PPP2R2B: variants seen among roughly 807,000 people sequenced by gnomAD.
PPP2R2B encodes serine/threonine-protein phosphatase 2A 55 kDa regulatory subunit B beta isoform.
A neutral mutation model predicts 46.0 loss-of-function variants in PPP2R2B; 5 were observed. The ratio of observed to expected loss-of-function variants is 0.11; its 90% confidence interval spans 0.06 to 0.23. PPP2R2B has a LOEUF of 0.23. Among genes scored for constraint, PPP2R2B ranks in the 10% least tolerant of loss-of-function variants. The pLI is 1.00. For synonymous variants in PPP2R2B, 215 were observed against 206.7 expected, an observed-to-expected ratio of 1.04 and a Z score of -0.34; for missense variants, 367 against 575.0, an observed-to-expected ratio of 0.64 and a Z score of 3.70.
At chr5:147,055,586 C>T in intron 1 of PPP2R2B, 1 of 1,262,888 alleles carries the variant, frequency 7.9e-7, no homozygotes, top group Admixed American at 1.8e-5. Flanking sequence ...CAGAAAGCAG[C>T]ATCAGCAGAA....
At chr5:146,960,437 A>C (rs1752121127) in intron 1 of PPP2R2B, among the ~76,000 whole-genome samples, 1 of 152,064 alleles carries the variant, frequency 6.6e-6, no homozygotes, top group Middle Eastern at 3.2e-3. Context: ...TTACAGGCGC[A>C]GGCCACCACG....
At chr5:146,903,918 G>A (rs950170518) in intron 1 of PPP2R2B, among the ~76,000 whole-genome samples, 1 of 152,026 alleles carries the variant, frequency 6.6e-6, no homozygotes, top group African/African-American at 2.4e-5. Flanking sequence ...AGTACCAAAT[G>A]GTGCCAAATG....
intron 1 of PPP2R2B, among the ~76,000 whole-genome samples, chr5:146,911,564 T>A (rs970981913): frequency 3.3e-5 from 5 of 152,202 alleles, no homozygotes; most frequent in African/African-American, 1.2e-4. Context: ...AATAAGTAAT[T>A]GTTTAAAGAA....
intron 2 of PPP2R2B, among the ~76,000 whole-genome samples, chr5:146,741,653 G>T (rs1008112334): frequency 6.6e-6 from 1 of 152,150 alleles, no homozygotes; most frequent in Non-Finnish European, 1.5e-5. Flanking sequence ...ATCTCAAGAA[G>T]GACTGCGTCA....
At chr5:146,774,466 G>A (rs1053500759) in intron 2 of PPP2R2B, among the ~76,000 whole-genome samples, 1 of 151,952 alleles carries the variant, frequency 6.6e-6, no homozygotes. Context: ...AAAATAAAGT[G>A]GGGGGTTGTA....
intron 9 of PPP2R2B, among the ~76,000 whole-genome samples, chr5:146,591,275 T>C (rs929229574): frequency 1.3e-5 from 2 of 152,046 alleles, no homozygotes; most frequent in Non-Finnish European, 2.9e-5. Flanking sequence ...GCTGACAAGA[T>C]TGGGCCACAG....
chr5:146,934,944 A>G (rs113555722), intron 1 of PPP2R2B, among the ~76,000 whole-genome samples: 3 of 152,096 alleles, frequency 2.0e-5, no homozygotes, highest in Non-Finnish European at 4.4e-5. Flanking sequence ...GGAAATTATC[A>G]CTTTTCTACT....
At chr5:146,648,073 T>C (rs1775704414) in intron 6 of PPP2R2B, among the ~76,000 whole-genome samples, 1 of 152,224 alleles carries the variant, frequency 6.6e-6, no homozygotes. Context: ...ACCGGGTCTT[T>C]TTATCCTGGG....
intron 1 of PPP2R2B, among the ~76,000 whole-genome samples, chr5:146,970,795 G>A (rs143079109): frequency 0.012 from 1,862 of 151,920 alleles, 18 homozygotes; most frequent in Non-Finnish European, 0.02. Context: ...GAGTTGCCCC[G>A]TAAAACTTAC....
intron 2 of PPP2R2B, among the ~76,000 whole-genome samples, chr5:146,705,317 T>A (rs1031828804): frequency 1.3e-5 from 2 of 152,196 alleles, no homozygotes; most frequent in African/African-American, 2.4e-5. Flanking sequence ...TCAGCTAAGA[T>A]AAGAACAGAA....
At chr5:146,750,086 C>CA (rs1441163459) in intron 2 of PPP2R2B, among the ~76,000 whole-genome samples, 1 of 148,978 alleles carries the variant, frequency 6.7e-6, no homozygotes, top group Non-Finnish European at 1.5e-5. Flanking sequence ...AAAAAACAAA[C>CA]AAACAAACTG....
intron 7 of PPP2R2B, among the ~76,000 whole-genome samples, chr5:146,628,289 C>T (rs3909407): frequency 0.021 from 3,178 of 152,280 alleles, 51 homozygotes; most frequent in Admixed American, 0.064. Context: ...GCCATTTCCC[C>T]CTCAGCATGA....
At chr5:146,735,233 C>T (rs1561866820) in intron 2 of PPP2R2B, among the ~76,000 whole-genome samples, 1 of 152,148 alleles carries the variant, frequency 6.6e-6, no homozygotes, top group Non-Finnish European at 1.5e-5. Context: ...GGATTTAGAT[C>T]ATTTAAATCC....
intron 1 of PPP2R2B, among the ~76,000 whole-genome samples, chr5:146,985,043 C>G (rs142027916): frequency 2.7e-5 from 3 of 112,234 alleles, no homozygotes; most frequent in Non-Finnish European, 5.2e-5. Flanking sequence ...TTTTTTGAGA[C>G]GGAGTCTCAC....
At chr5:146,624,805 C>G (rs867840568) in intron 7 of PPP2R2B, among the ~76,000 whole-genome samples, 2 of 152,306 alleles carry the variant, frequency 1.3e-5, no homozygotes, top group Admixed American at 1.3e-4. Flanking sequence ...GTATGTAGCT[C>G]TTCCTGCCTC....
chr5:147,077,312 C>A (rs2913325), intron 2 of PPP2R2B, among the ~76,000 whole-genome samples: 295 of 121,598 alleles, frequency 2.4e-3, no homozygotes, highest in African/African-American at 6.7e-3. Context: ...ACACACACAC[C>A]CACACCCACA....
chr5:147,051,730 C>T (rs1255083237), intron 1 of PPP2R2B, among the ~76,000 whole-genome samples: 1 of 147,268 alleles, frequency 6.8e-6, no homozygotes, highest in Non-Finnish European at 1.5e-5. Flanking sequence ...ACTTCACTGA[C>T]TCTCTCATTT....
Position 146,891,605 on chromosome 5 carries a change from T to C in PPP2R2B, c.79+164060A>G, listed in dbSNP as rs920684088. Among the ~76,000 whole-genome samples the C allele has an allele frequency of 3.3e-5, 5 of 152,360 alleles. No individual in the cohort carries two copies. In the South Asian group the frequency reaches 1.0e-3, roughly 32 times the overall value. The stretch of plus-strand genomic sequence containing the variant: ...CATTCAACATCAAATTTTTATTACC[T>C]GCCTACTATGTGCTTAGCACTAGGC... On this transcript the variant is annotated intron_variant, in intron 1 of 8. Coordinates refer to the PPP2R2B transcript ENST00000336640.
intron 1 of PPP2R2B, among the ~76,000 whole-genome samples, chr5:146,974,449 C>A (rs925135153): frequency 6.6e-6 from 1 of 152,090 alleles, no homozygotes; most frequent in Non-Finnish European, 1.5e-5. Flanking sequence ...ATAGGGCAGT[C>A]CCGTGCTGGG....
Sources: gnomAD v4.1 joint callset for allele counts (sites outside exome capture counted in the v4.1 genomes callset) on GRCh38, gnomAD v4.1.1 for gene constraint, MANE v1.5 for transcripts, NCBI Gene and HGNC (gene_info 2026-07-23, HGNC 2026-07-21) for gene names.